The following CEP112 variants were observed in gnomAD, a reference collection of about 807,000 sequenced individuals.
CEP112 encodes centrosomal protein 112.
In CEP112, 127 loss-of-function variants were observed where a neutral mutation model predicts 153.0. That is an observed-to-expected ratio of 0.83 (90% CI 0.72 to 0.96). The LOEUF (loss-of-function observed/expected upper bound fraction) is 0.96, where lower values mean the gene tolerates loss of function less well. CEP112 is among the 40% of genes least tolerant of loss of function. The probability of loss-of-function intolerance (pLI) is 0.00; values close to 1 mark genes in which losing one functional copy is unlikely to be tolerated. For synonymous variants in CEP112, 358 were observed against 374.4 expected (o/e 0.96, Z 0.51); for missense variants, 1,089 against 1,101.2 (o/e 0.99, Z 0.16).
intron 20 of CEP112, among the ~76,000 whole-genome samples, chr17:65,901,139 T>C (rs559128913): frequency 2.3e-4 from 35 of 152,206 alleles, no homozygotes; most frequent in Non-Finnish European, 4.9e-4. Flanking sequence ...AATCACAAGA[T>C]TGTTGAAAGA....
At chr17:66,017,557 T>C (rs989376306) in intron 16 of CEP112, among the ~76,000 whole-genome samples, 3 of 152,208 alleles carry the variant, frequency 2.0e-5, no homozygotes, top group African/African-American at 7.2e-5. Context: ...TCTGTATTGT[T>C]TAAGAGCCTT....
intron 21 of CEP112, among the ~76,000 whole-genome samples, chr17:65,810,289 C>T (rs1448899322): frequency 6.6e-6 from 1 of 152,024 alleles, no homozygotes; most frequent in Admixed American, 6.5e-5. Context: ...CTCCCTATTG[C>T]ATCTCCCCTT....
At chr17:66,035,008 A>ATATATATT (rs1454121288) in intron 12 of CEP112, among the ~76,000 whole-genome samples, 2 of 72,370 alleles carry the variant, frequency 2.8e-5, no homozygotes, top group African/African-American at 8.8e-5. Context: ...ATATATATAT[A>ATATATATT]TTTTTTTTTT....
At chr17:65,733,246 T>TTATTGTTTGTTGTCTCCCATGGG (rs530052244) in intron 23 of CEP112, among the ~76,000 whole-genome samples, 193 of 152,316 alleles carry the variant, frequency 1.3e-3, no homozygotes, top group Non-Finnish European at 2.2e-3. Context: ...CACACAACAC[T>TTATTGTTTGTTGTCTCCCATGGG]TATTGTTTGT....
intron 4 of CEP112, among the ~76,000 whole-genome samples, chr17:66,157,360 C>T (rs2071489280): frequency 2.0e-5 from 3 of 152,156 alleles, no homozygotes; most frequent in Admixed American, 2.0e-4. Flanking sequence ...GCCTGCCTTA[C>T]AAGAGCTCCT....
intron 24 of CEP112, among the ~76,000 whole-genome samples, chr17:65,651,908 C>T (rs1175148101): frequency 6.6e-6 from 1 of 152,022 alleles, no homozygotes; most frequent in Non-Finnish European, 1.5e-5. Flanking sequence ...TCACCATGTT[C>T]GCCAGGCTGG....
intron 21 of CEP112, among the ~76,000 whole-genome samples, chr17:65,808,540 G>A (rs1299492007): frequency 2.0e-5 from 3 of 152,086 alleles, no homozygotes; most frequent in Admixed American, 6.5e-5. Flanking sequence ...GTCAGGGGAG[G>A]GGCCTGGTAG....
intron 21 of CEP112, among the ~76,000 whole-genome samples, chr17:65,815,293 C>T (rs12949002): frequency 0.34 from 51,599 of 151,966 alleles, 10,097 homozygotes; most frequent in Middle Eastern, 0.47. Context: ...TTCCCCCATT[C>T]ATTATCTTAG....
At chr17:65,984,821 A>G (rs1296601269) in intron 17 of CEP112, among the ~76,000 whole-genome samples, 1 of 152,200 alleles carries the variant, frequency 6.6e-6, no homozygotes, top group African/African-American at 2.4e-5. Flanking sequence ...ATACTTTCGA[A>G]CTGGATTGTC....
At chr17:65,682,821 G>C (rs999542702) in intron 24 of CEP112, among the ~76,000 whole-genome samples, 1 of 152,120 alleles carries the variant, frequency 6.6e-6, no homozygotes, top group Non-Finnish European at 1.5e-5. Flanking sequence ...TTAATGCCCA[G>C]GCCAGATGTT....
chr17:65,900,877 C>T (rs558205162), intron 20 of CEP112, among the ~76,000 whole-genome samples: 2 of 152,254 alleles, frequency 1.3e-5, no homozygotes, highest in Admixed American at 6.5e-5. Flanking sequence ...ATGGGCACTA[C>T]AATGACTACC....
chr17:65,845,011 C>CA (rs1012784388), intron 21 of CEP112, among the ~76,000 whole-genome samples: 114 of 139,290 alleles, frequency 8.2e-4, no homozygotes, highest in Middle Eastern at 7.8e-3. Flanking sequence ...GACTCTGTCT[C>CA]AAAAAAAAAA....
At chr17:65,763,684 TCTGCTTACA>T (rs1420299421) in intron 21 of CEP112, among the ~76,000 whole-genome samples, 7 of 152,164 alleles carry the variant, frequency 4.6e-5, no homozygotes, top group Admixed American at 3.3e-4. Flanking sequence ...TTTCCATCTC[TCTGCTTACA>T]CTGCCCATCT....
At chr17:66,153,375 A>G (rs1178452268) in intron 4 of CEP112, among the ~76,000 whole-genome samples, 1 of 151,918 alleles carries the variant, frequency 6.6e-6, no homozygotes, top group African/African-American at 2.4e-5. Flanking sequence ...AACTACTGAT[A>G]CAAGAAACAA....
intron 8 of CEP112, among the ~76,000 whole-genome samples, chr17:66,079,423 A>G (rs1273872250): frequency 6.6e-6 from 1 of 152,240 alleles, no homozygotes; most frequent in African/African-American, 2.4e-5. Flanking sequence ...ACCTATTACA[A>G]CTATATGGCA....
At chr17:66,048,179 T>C (rs1312268537) in intron 12 of CEP112, among the ~76,000 whole-genome samples, 1 of 152,086 alleles carries the variant, frequency 6.6e-6, no homozygotes, top group Non-Finnish European at 1.5e-5. Context: ...TCCAGACAGC[T>C]GACTGTATTT....
intron 21 of CEP112, among the ~76,000 whole-genome samples, chr17:65,793,053 G>C (rs1173405666): frequency 6.6e-6 from 1 of 152,034 alleles, no homozygotes; most frequent in Non-Finnish European, 1.5e-5. Flanking sequence ...CACTGGTGGG[G>C]GGCGAGGGAG....
chr17:65,952,182 G>A (rs1159492112), intron 18 of CEP112, among the ~76,000 whole-genome samples: 1 of 151,996 alleles, frequency 6.6e-6, no homozygotes, highest in Admixed American at 6.6e-5. Context: ...GCAGTCATTG[G>A]GTGGGGTGAT....
At chr17:66,048,537 T>A (rs2066309765) in intron 12 of CEP112, among the ~76,000 whole-genome samples, 1 of 152,254 alleles carries the variant, frequency 6.6e-6, no homozygotes, top group Non-Finnish European at 1.5e-5. Context: ...AAGTTTTTCA[T>A]AGAATATATA....
Sources: gnomAD v4.1 joint callset for allele counts (sites outside exome capture counted in the v4.1 genomes callset) on GRCh38, gnomAD v4.1.1 for gene constraint, MANE v1.5 for transcripts, NCBI Gene and HGNC (gene_info 2026-07-23, HGNC 2026-07-21) for gene names.